Variants in CSMD1 observed in about 807,000 individuals in gnomAD.
The protein encoded by CSMD1 is CUB and sushi domain-containing protein 1.
CSMD1 carries 213 observed loss-of-function variants against 417.5 expected under a neutral mutation model. The observed-to-expected ratio is 0.51, with a 90% CI of 0.46 to 0.57. The LOEUF (loss-of-function observed/expected upper bound fraction) is 0.57, where lower values mean the gene tolerates loss of function less well. CSMD1 is among the 20% of genes least tolerant of loss of function. The pLI is 0.00. For missense variants in CSMD1, 6,923 were observed against 4,529.7 expected, an observed-to-expected ratio of 1.53 and a Z score of -15.17; for synonymous variants, 2,862 against 1,736.8, an observed-to-expected ratio of 1.65 and a Z score of -16.11.
intron 49 of CSMD1, among the ~76,000 whole-genome samples, chr8:3,060,555 T>C (rs1812527997): frequency 6.6e-6 from 1 of 152,178 alleles, no homozygotes; most frequent in Non-Finnish European, 1.5e-5. Context: ...TTAGACTTGC[T>C]CACAGGCATG....
chr8:3,824,928 A>C (rs971857296), intron 5 of CSMD1, among the ~76,000 whole-genome samples: 1 of 152,054 alleles, frequency 6.6e-6, no homozygotes, highest in East Asian at 1.9e-4. Context: ...AGCACCATAA[A>C]AACCGCAACA....
intron 3 of CSMD1, among the ~76,000 whole-genome samples, chr8:4,248,009 T>A (rs921556856): frequency 6.6e-6 from 1 of 152,204 alleles, no homozygotes; most frequent in East Asian, 1.9e-4. Flanking sequence ...CTCTCCATAA[T>A]TGTATATAGA....
intron 7 of CSMD1, among the ~76,000 whole-genome samples, chr8:3,643,997 G>A (rs188992484): frequency 4.6e-5 from 7 of 152,250 alleles, no homozygotes; most frequent in Admixed American, 2.6e-4. Flanking sequence ...TGAATTCATC[G>A]CTGTTGTTTC....
intron 3 of CSMD1, among the ~76,000 whole-genome samples, chr8:4,303,752 T>G (rs1798107370): frequency 6.6e-6 from 1 of 151,986 alleles, no homozygotes; most frequent in Non-Finnish European, 1.5e-5. Context: ...GCCTCCTGGT[T>G]TCAAGCGATT....
At chr8:3,593,330 C>G (rs1345794655) in intron 8 of CSMD1, among the ~76,000 whole-genome samples, 2 of 152,210 alleles carry the variant, frequency 1.3e-5, no homozygotes, top group African/African-American at 4.8e-5. Flanking sequence ...CCCTGTGTCT[C>G]CTGGTGCTTC....
chr8:3,595,564 C>T (rs1322066330), intron 8 of CSMD1, among the ~76,000 whole-genome samples: 1 of 152,140 alleles, frequency 6.6e-6, no homozygotes, highest in Admixed American at 6.5e-5. Flanking sequence ...AATAGCCCAA[C>T]AAAGATCCCT....
chr8:4,656,668 T>C (rs1344331521), intron 1 of CSMD1, among the ~76,000 whole-genome samples: 2 of 152,154 alleles, frequency 1.3e-5, no homozygotes, highest in Non-Finnish European at 2.9e-5. Flanking sequence ...TAGTCTATCA[T>C]CACCGAATAC....
chr8:4,015,195 C>A (rs527455873), intron 4 of CSMD1, among the ~76,000 whole-genome samples: 2 of 152,172 alleles, frequency 1.3e-5, no homozygotes, highest in Admixed American at 6.5e-5. Flanking sequence ...CTTTGTATTT[C>A]TTGTCCTGAC....
intron 10 of CSMD1, among the ~76,000 whole-genome samples, chr8:3,504,984 T>A (rs1188965235): frequency 3.3e-5 from 5 of 149,588 alleles, no homozygotes; most frequent in African/African-American, 1.2e-4. Context: ...CCAGGGAAAG[T>A]AAGCAAACAA....
chr8:4,809,595 G>T (rs115160246), intron 1 of CSMD1, among the ~76,000 whole-genome samples: 1 of 152,094 alleles, frequency 6.6e-6, no homozygotes, highest in Admixed American at 6.5e-5. Context: ...TAGACCAAAA[G>T]GTAAAGCTGT....
intron 3 of CSMD1, among the ~76,000 whole-genome samples, chr8:4,053,764 T>C (rs964896369): frequency 6.6e-6 from 1 of 152,142 alleles, no homozygotes; most frequent in Non-Finnish European, 1.5e-5. Flanking sequence ...ATGATGGCAT[T>C]TGGGGGCTTA....
intron 1 of CSMD1, among the ~76,000 whole-genome samples, chr8:4,765,814 G>T (rs562095526): frequency 6.6e-6 from 1 of 152,276 alleles, no homozygotes; most frequent in South Asian, 2.1e-4. Flanking sequence ...AGCTGGATGT[G>T]GAGTTAACAA....
intron 1 of CSMD1, among the ~76,000 whole-genome samples, chr8:4,878,805 A>C (rs1803210523): frequency 6.6e-6 from 1 of 151,874 alleles, no homozygotes; most frequent in African/African-American, 2.4e-5. Flanking sequence ...TCCTCTATGA[A>C]GCTGAAAAAC....
chr8:4,378,956 C>T (rs1200843047), intron 3 of CSMD1, among the ~76,000 whole-genome samples: 1 of 152,132 alleles, frequency 6.6e-6, no homozygotes, highest in Non-Finnish European at 1.5e-5. Context: ...TATTTATAAG[C>T]CTTCCAGTTT....
rs199777762 is a variant in CSMD1, at chr8:3,464,965, A to ACT, written c.1561+3745_1561+3746dup. 5.3e-5 allele frequency among the ~76,000 whole-genome samples: 8 copies of ACT among 151,370 alleles called. No homozygotes were observed. The South Asian group carries it at 6.3e-4, about 12-fold the overall frequency. ...TGCTTAGGGGAAATTATCAATTCACACTCTCTCTCTCTCGTTCTGTGTATA... is the reference window on the plus strand; with the variant it reads ...TGCTTAGGGGAAATTATCAATTCACACTCTCTCTCTCTCTCGTTCTGTGTATA... On this transcript the variant is annotated intron_variant, in intron 12 of 69. Coordinates refer to ENST00000635120, the MANE Select transcript of CSMD1 (RefSeq NM_033225.6).
At chr8:4,137,969 CT>C in intron 3 of CSMD1, among the ~76,000 whole-genome samples, 2 of 149,910 alleles carry the variant, frequency 1.3e-5, no homozygotes, top group Non-Finnish European at 3.0e-5. Context: ...CCTCCATCTC[CT>C]CGGTTCACGC....
intron 7 of CSMD1, among the ~76,000 whole-genome samples, chr8:3,635,299 C>G (rs1057408923): frequency 1.3e-5 from 2 of 151,948 alleles, no homozygotes; most frequent in African/African-American, 4.8e-5. Flanking sequence ...GATGGCAAAA[C>G]CCCATCTCTA....
intron 33 of CSMD1, among the ~76,000 whole-genome samples, chr8:3,191,547 G>A (rs1563128611): frequency 6.6e-6 from 1 of 152,122 alleles, no homozygotes; most frequent in Admixed American, 6.6e-5. Context: ...CTTCATTGTT[G>A]CAGCAAGCAA....
chr8:4,638,656 T>G (rs1802995095), intron 1 of CSMD1, among the ~76,000 whole-genome samples: 1 of 152,096 alleles, frequency 6.6e-6, no homozygotes, highest in Non-Finnish European at 1.5e-5. Flanking sequence ...GTAAGTGAAT[T>G]AGCTTAGTCC....
Sources: gnomAD v4.1 joint callset for allele counts (sites outside exome capture counted in the v4.1 genomes callset) on GRCh38, gnomAD v4.1.1 for gene constraint, MANE v1.5 for transcripts, NCBI Gene and HGNC (gene_info 2026-07-23, HGNC 2026-07-21) for gene names.